ERVMER34-1: variants seen among roughly 807,000 people sequenced by gnomAD.
ERVMER34-1 encodes endogenous retroviral envelope protein HEMO.
For synonymous variants in ERVMER34-1, 199 were observed against 111.7 expected, an observed-to-expected ratio of 1.78 and a Z score of -4.93; for missense variants, 471 against 295.1, an observed-to-expected ratio of 1.60 and a Z score of -4.37.
In ERVMER34-1 at chr4:52,745,585, G is replaced by A. The variant is rs1002766761; in HGVS notation, c.-65C>T. ...ACAATGGAGATTCAATGAAAGGGGA[G>A]GGTTTTGTTTAAATTTCTAAGTCAG... On this transcript the variant is annotated 5_prime_UTR_variant, in exon 3 of 3. Coordinates refer to ENST00000443173, the MANE Select transcript of ERVMER34-1 (RefSeq NM_001242690.2). The A allele has an allele frequency of 3.1e-6, 2 of 648,798 alleles. No homozygotes were observed. Among genetic ancestry groups the A allele is most frequent in the Admixed American group, 2.4e-5 (1 of 41,950 alleles). 40.2% of individuals were successfully genotyped at this position (648,798 alleles called of 1,614,324 possible).
intron 2 of ERVMER34-1, chr4:52,748,312 A>G (rs533228568): frequency 1.3e-5 from 2 of 157,950 alleles, no homozygotes; most frequent in South Asian, 3.7e-4. Flanking sequence ...CATATCACAT[A>G]TGATGCATTC....
rs1216438220 is a variant in ERVMER34-1, at chr4:52,744,903, G to C, written c.618C>G (p.Pro206=). 1 of 703,974 alleles carries C rather than the reference G, an allele frequency of 1.4e-6. No homozygotes were observed. The allele number at this position is 703,974 out of a possible 1,614,324, so 43.6% of individuals were successfully genotyped here. A position where few individuals can be genotyped will look rare whatever the true frequency, so the allele number is the denominator to read the frequency against. The change falls in exon 3 of 3, where the codon CCC becomes CCG. Residue 206 remains proline, a synonymous_variant. Transcript: ENST00000443173. ...CTACCCATTTGTAGTCTTGGGTATTGGGCAGACCAATCAAGGGAACAGCTG... is the reference window on the plus strand; with the variant it reads ...CTACCCATTTGTAGTCTTGGGTATTCGGCAGACCAATCAAGGGAACAGCTG... The part of the protein sequence containing the change: ...NSSAVPLIGL[P]NTQDYKWVDR...
chr4:52,743,707 T>C lies in ERVMER34-1; in HGVS notation c.*122A>G. The stretch of plus-strand genomic sequence containing the variant: ...TACCTTGGGAGGTCCTAGTGCTAAG[T>C]GCCCTTATAAGAGGAACACTCAGAG... On this transcript the variant is annotated 3_prime_UTR_variant, in exon 3 of 3. Coordinates refer to ENST00000443173, the MANE Select transcript of ERVMER34-1 (RefSeq NM_001242690.2). 1 of 838,900 alleles carries C rather than the reference T, an allele frequency of 1.2e-6. No homozygotes were observed. Among genetic ancestry groups the C allele is most frequent in the South Asian group, 2.0e-5 (1 of 50,576 alleles). 52.0% of individuals were successfully genotyped at this position (838,900 alleles called of 1,614,324 possible). A position where few individuals can be genotyped will look rare whatever the true frequency, so the allele number is the denominator to read the frequency against.
Position 52,743,868 on chromosome 4 carries a change from C to T in ERVMER34-1, c.1653G>A (p.Lys551=). The change falls in exon 3 of 3, where the codon AAG becomes AAA. Residue 551 remains lysine, a synonymous_variant. Transcript: ENST00000443173. ...TGTCATATTGATGGGTTGTTAGTCCCTTCATTGCCCTATTTGAAACTTGAC... is the reference window on the plus strand; with the variant it reads ...TGTCATATTGATGGGTTGTTAGTCCTTTCATTGCCCTATTTGAAACTTGAC... ...TSCQVSNRAM[K]GLTTHQYDTS... 1 of 1,525,554 alleles carries T rather than the reference C, an allele frequency of 6.6e-7. No individual in the cohort carries two copies. Among genetic ancestry groups the T allele is most frequent in the Non-Finnish European group, 8.8e-7 (1 of 1,140,734 alleles). The allele number at this position is 1,525,554 out of a possible 1,614,324, so 94.5% of individuals were successfully genotyped here.
In ERVMER34-1 at chr4:52,743,892, A is replaced by G; in HGVS notation, c.1629T>C (p.Cys543=). The G allele has an allele frequency of 6.6e-7, 1 of 1,507,628 alleles. No individual in the cohort carries two copies. Among genetic ancestry groups the G allele is most frequent in the Non-Finnish European group, 8.9e-7 (1 of 1,121,290 alleles). 93.4% of individuals were successfully genotyped at this position (1,507,628 alleles called of 1,614,324 possible). ...CCTTCATTGCCCTATTTGAAACTTG[A>G]CATGAAGTTTCACTGACAAGGAGCT... ...SAQLLVSETS[C]QVSNRAMKGL... Residue 543 remains cysteine (C), a synonymous_variant, in exon 3 of 3, where the codon TGT becomes TGC. Coordinates refer to ENST00000443173, the MANE Select transcript of ERVMER34-1 (RefSeq NM_001242690.2).
chr4:52,750,575 C>G (rs1306513966), intron 2 of ERVMER34-1: 2 of 152,200 alleles, frequency 1.3e-5, no homozygotes, highest in Non-Finnish European at 2.9e-5. Flanking sequence ...CAACCTAAAA[C>G]AGACATGGCT....
rs1039964423 is a variant in ERVMER34-1, at chr4:52,750,946, G to C, written c.-440C>G. The C allele has an allele frequency of 3.3e-5, 5 of 152,186 alleles. No individual in the cohort carries two copies. Among genetic ancestry groups the C allele is most frequent in the Non-Finnish European group, 7.3e-5 (5 of 68,078 alleles). The allele number at this position is 152,186 out of a possible 1,614,324, so 9.4% of individuals were successfully genotyped here. ...GGAACATACCTGCGCTTAAAACTGA[G>C]GCTGCCGCACCTCCGCAGACGTAGA... On this transcript the variant is annotated 5_prime_UTR_variant, in exon 2 of 3. Transcript: ENST00000443173.
rs190387774 is a variant in ERVMER34-1, at chr4:52,749,989, G to A, written c.-424+941C>T. On this transcript the variant is annotated intron_variant, in intron 2 of 2. Coordinates refer to ENST00000443173, the MANE Select transcript of ERVMER34-1 (RefSeq NM_001242690.2). The stretch of plus-strand genomic sequence containing the variant: ...GATGATGATGATGATGATTTGAGAC[G>A]GAATTCTTCTTATTATTATTATTAA... Among the ~76,000 whole-genome samples the A allele has an allele frequency of 2.6e-3, 395 of 151,924 alleles. No individual in the cohort carries two copies. The Middle Eastern group carries it at 0.031, about 12-fold the overall frequency.
chr4:52,747,689 C>A (rs751482333), intron 2 of ERVMER34-1, among the ~76,000 whole-genome samples: 7 of 152,178 alleles, frequency 4.6e-5, no homozygotes, highest in Non-Finnish European at 8.8e-5. Context: ...GCAATTGACA[C>A]CCATGGGCTC....
In ERVMER34-1 at chr4:52,744,427, T is replaced by C. The variant is rs1293199024; in HGVS notation, c.1094A>G (p.Asn365Ser). 2.8e-6 allele frequency: 2 copies of C among 704,118 alleles called. No homozygotes were observed. Among genetic ancestry groups the C allele is most frequent in the Middle Eastern group, 2.3e-4 (1 of 4,370 alleles). 43.6% of individuals were successfully genotyped at this position (704,118 alleles called of 1,614,324 possible). Reference protein sequence around the residue: ...GDTDNPPLYCNPKDNSTIRAL... With the variant: ...GDTDNPPLYCSPKDNSTIRAL... ...CCTTATTGTTGAATTGTCCTTGGGG[T>C]TGCAATACAGAGGTGGATTGTCTGT... The change falls in exon 3 of 3, where the codon AAC becomes AGC. Residue 365 changes from asparagine to serine, a missense_variant. Physicochemically the swap from Asn to Ser is conservative, Grantham distance 46. Coordinates refer to ENST00000443173, the MANE Select transcript of ERVMER34-1 (RefSeq NM_001242690.2).
At position 52,744,608 on chromosome 4, in the gene ERVMER34-1, C is replaced by A. The variant is rs746618970; in HGVS notation, c.913G>T (p.Val305Leu). The change falls in exon 3 of 3, where the codon GTG becomes TTG. Residue 305 changes from valine to leucine, a missense_variant. Physicochemically the swap from Val to Leu is conservative, Grantham distance 32. Transcript: ENST00000443173. Reference protein sequence around the residue: ...SGLFFLCGNGVYKGFPPKWSG... With the variant: ...SGLFFLCGNGLYKGFPPKWSG... Reference sequence around the variant, plus strand: ...CATTTAGGTGGAAACCCTTTGTACACCCCATTGCCGCACAAAAAAAAGAGG... The same window carrying A: ...CATTTAGGTGGAAACCCTTTGTACAACCCATTGCCGCACAAAAAAAAGAGG... 1.4e-6 allele frequency: 1 copy of A among 704,036 alleles called. No individual in the cohort carries two copies. Among genetic ancestry groups the A allele is most frequent in the Non-Finnish European group, 2.6e-6 (1 of 384,996 alleles). The allele number at this position is 704,036 out of a possible 1,614,324, so 43.6% of individuals were successfully genotyped here. A position where few individuals can be genotyped will look rare whatever the true frequency, so the allele number is the denominator to read the frequency against.
rs1716061157 is a variant in ERVMER34-1 at position 52,743,365 on chromosome 4, CATTGG to C, written c.*459_*463del. ...AAGGACATAGTTTTGTGTATGTGTA[CATTGG>C]ATTCTTCTACCTTCAACCAAAATCA... is the stretch of plus-strand genomic sequence containing the variant. On this transcript the variant is annotated 3_prime_UTR_variant, in exon 3 of 3. Coordinates refer to ENST00000443173, the MANE Select transcript of ERVMER34-1 (RefSeq NM_001242690.2). The C allele has an allele frequency of 6.5e-6, 1 of 152,944 alleles. No individual in the cohort carries two copies. Among genetic ancestry groups the C allele is most frequent in the African/African-American group, 2.4e-5 (1 of 41,430 alleles). The allele number at this position is 152,944 out of a possible 1,614,324, so 9.5% of individuals were successfully genotyped here.
At position 52,743,527 on chromosome 4, in the gene ERVMER34-1, A is replaced by T. The variant is rs530956173; in HGVS notation, c.*302T>A. ...TTGGGGGCTTGCAAATTAACAGATCAATAGAAAAAACATTTATTATATATG... is the reference window on the plus strand; with the variant it reads ...TTGGGGGCTTGCAAATTAACAGATCTATAGAAAAAACATTTATTATATATG... On this transcript the variant is annotated 3_prime_UTR_variant, in exon 3 of 3. Transcript: ENST00000443173. The T allele has an allele frequency of 8.7e-6, 2 of 229,146 alleles. No individual in the cohort carries two copies. Among genetic ancestry groups the T allele is most frequent in the Non-Finnish European group, 1.7e-5 (2 of 118,652 alleles). The allele number at this position is 229,146 out of a possible 1,614,324, so 14.2% of individuals were successfully genotyped here. A position where few individuals can be genotyped will look rare whatever the true frequency, so the allele number is the denominator to read the frequency against.
chr4:52,743,612 C>G lies in ERVMER34-1; in HGVS notation c.*217G>C. 1 of 471,032 alleles carries G rather than the reference C, an allele frequency of 2.1e-6. No individual in the cohort carries two copies. Among genetic ancestry groups the G allele is most frequent in the Middle Eastern group, 5.4e-4 (1 of 1,858 alleles). The allele number at this position is 471,032 out of a possible 1,614,324, so 29.2% of individuals were successfully genotyped here. On this transcript the variant is annotated 3_prime_UTR_variant, in exon 3 of 3. Transcript: ENST00000443173. ...CAGCAAGGGGTAAGGGTTTACAGAT[C>G]AGCTTTATGGTGTGTGTCTTAAGGC...
Position 52,743,645 on chromosome 4 carries a change from T to C in ERVMER34-1, c.*184A>G. The C allele has an allele frequency of 1.8e-6, 1 of 555,236 alleles. No homozygotes were observed. The highest frequency in any genetic ancestry group is 3.1e-6 in the Non-Finnish European group (1 of 320,856). The allele number at this position is 555,236 out of a possible 1,614,324, so 34.4% of individuals were successfully genotyped here. On this transcript the variant is annotated 3_prime_UTR_variant, in exon 3 of 3. Transcript: ENST00000443173. Reference sequence around the variant, plus strand: ...TGGTGTGTGTCTTAAGGCTTCAGAATGAAACTACAAAAAGTTCTGATAAGG... The same window carrying C: ...TGGTGTGTGTCTTAAGGCTTCAGAACGAAACTACAAAAAGTTCTGATAAGG...
At chr4:52,750,855 C>G (rs1716268767) in intron 2 of ERVMER34-1, 75 bp downstream of exon 2, 2 of 152,430 alleles carry the variant, frequency 1.3e-5, no homozygotes, top group Admixed American at 1.3e-4. Flanking sequence ...GATTCAGACA[C>G]CAGGAACCCT....
Position 52,745,499 on chromosome 4 carries a change from C to A in ERVMER34-1, c.22G>T (p.Ala8Ser), listed in dbSNP as rs1415327239. 5.7e-6 allele frequency: 4 copies of A among 703,936 alleles called. No individual in the cohort carries two copies. Among genetic ancestry groups the A allele is most frequent in the Non-Finnish European group, 2.6e-6 (1 of 384,918 alleles). The allele number at this position is 703,936 out of a possible 1,614,324, so 43.6% of individuals were successfully genotyped here. MGSLSNY[A>S]LLQLTLTAFL... ...GCAGTAAGGGTTAGTTGAAGCAGGG[C>A]ATAGTTTGAAAGGGAGCCCATAGTG... The change falls in exon 3 of 3, where the codon GCC becomes TCC. Residue 8 changes from alanine (A) to serine (S), a missense_variant. Coordinates refer to ENST00000443173, the MANE Select transcript of ERVMER34-1 (RefSeq NM_001242690.2).
rs751949208 is a variant in ERVMER34-1, at chr4:52,744,740, T to A, written c.781A>T (p.Arg261Ter). 1.4e-6 allele frequency: 1 copy of A among 704,106 alleles called. No homozygotes were observed. Among genetic ancestry groups the A allele is most frequent in the South Asian group, 1.5e-5 (1 of 67,596 alleles). 43.6% of individuals were successfully genotyped at this position (704,106 alleles called of 1,614,324 possible). Reference sequence around the variant, plus strand: ...TTAGTTATGCTGGCATCTGCACATCTCCATTTCCCATGTGCCTCTGTCAGG... The same window carrying A: ...TTAGTTATGCTGGCATCTGCACATCACCATTTCCCATGTGCCTCTGTCAGG... Reference protein sequence around the residue: ...YGLTEAHGKWRCADASITNDK... With the variant: ...YGLTEAHGKW The change falls in exon 3 of 3, where the codon AGA becomes TGA. Residue 261 changes from arginine (R) to a stop codon, truncating the protein, a stop_gained. Transcript: ENST00000443173. LOFTEE classifies it low-confidence loss of function (END_TRUNC).
chr4:52,745,564 T>C lies in ERVMER34-1; in HGVS notation c.-44A>G, dbSNP rs773755655. 1.2e-5 allele frequency: 8 copies of C among 671,744 alleles called. No individual in the cohort carries two copies. The South Asian group carries it at 1.3e-4, about 11-fold the overall frequency. 41.6% of individuals were successfully genotyped at this position (671,744 alleles called of 1,614,324 possible). On this transcript the variant is annotated 5_prime_UTR_variant, in exon 3 of 3. Coordinates refer to ENST00000443173, the MANE Select transcript of ERVMER34-1 (RefSeq NM_001242690.2). ...ATTAAAACAAGCAAACTCCAGACAA[T>C]GGAGATTCAATGAAAGGGGAGGGTT...
Sources: gnomAD v4.1 joint callset for allele counts (sites outside exome capture counted in the v4.1 genomes callset) on GRCh38, gnomAD v4.1.1 for gene constraint, MANE v1.5 for transcripts, NCBI Gene and HGNC (gene_info 2026-07-23, HGNC 2026-07-21) for gene names.